KNTC1: variants seen among roughly 807,000 people sequenced by gnomAD.
KNTC1 encodes the protein kinetochore associated 1.
A neutral mutation model predicts 314.4 loss-of-function variants in KNTC1; 253 were observed. That is an observed-to-expected ratio of 0.80 (90% CI 0.73 to 0.89). The LOEUF (loss-of-function observed/expected upper bound fraction) is 0.89, where lower values mean the gene tolerates loss of function less well. KNTC1 is among the 40% of genes least tolerant of loss of function. KNTC1 has a pLI of 0.00. For missense variants in KNTC1, 2,475 were observed against 2,572.9 expected (o/e 0.96, Z 0.82); for synonymous variants, 901 against 901.4 (o/e 1.00, Z 0.01).
In KNTC1 at chr12:122,626,216, T is replaced by G; in HGVS notation, c.6618T>G (p.Ser2206Arg). 6.3e-7 allele frequency: 1 copy of G among 1,589,644 alleles called. No homozygotes were observed. Among genetic ancestry groups the G allele is most frequent in the Non-Finnish European group, 8.6e-7 (1 of 1,162,680 alleles). Residue 2206 changes from serine to arginine, a missense_variant, in exon 64 of 64, where the codon AGT becomes AGG. By Grantham distance (110) the Ser-to-Arg change is moderately radical. Coordinates refer to ENST00000333479, the MANE Select transcript of KNTC1 (RefSeq NM_014708.6). ...APCEILKMFL[S>R]GLS ...TTCTTCCCATTTAGATGTTTCTTAG[T>G]GGATTATCGTAAATCACTGAACCTT...
intron 53 of KNTC1, chr12:122,611,527 A>T (rs577658525): frequency 6.6e-6 from 1 of 152,442 alleles, no homozygotes; most frequent in African/African-American, 2.4e-5. Flanking sequence ...TTACGACCTA[A>T]AAATGGTATT....
At chr12:122,550,861 A>C (rs1963147925) in intron 13 of KNTC1, among the ~76,000 whole-genome samples, 1 of 152,146 alleles carries the variant, frequency 6.6e-6, no homozygotes. Context: ...GTGGTTTTGT[A>C]GACTGTTTCT....
At position 122,547,870 on chromosome 12, in the gene KNTC1, T is replaced by A. The variant is rs1289692322; in HGVS notation, c.933-45T>A. On this transcript the variant is annotated intron_variant, in intron 11 of 63. Transcript: ENST00000333479. ...TAGATAATATTGTATGTTTTTGTTGTGTAAAAGTTTACTTGAATTATTTAA... is the reference window on the plus strand; with the variant it reads ...TAGATAATATTGTATGTTTTTGTTGAGTAAAAGTTTACTTGAATTATTTAA... 6 of 1,131,670 alleles carry A rather than the reference T, an allele frequency of 5.3e-6. No individual in the cohort carries two copies. In the Admixed American group the frequency reaches 1.8e-4, roughly 34 times the overall value. 70.1% of individuals were successfully genotyped at this position (1,131,670 alleles called of 1,614,324 possible).
rs1875053715 is a variant in KNTC1 at position 122,626,385 on chromosome 12, C to T, written c.*157C>T. The T allele has an allele frequency of 1.7e-6, 1 of 595,124 alleles. No individual in the cohort carries two copies. The highest frequency in any genetic ancestry group is 2.9e-5 in the East Asian group (1 of 34,674). The allele number at this position is 595,124 out of a possible 1,614,324, so 36.9% of individuals were successfully genotyped here. Reference sequence around the variant, plus strand: ...AAATAAAACAATATGAGCATAATTGCCCCATAAAGAACTCATGTCCTGAAT... The same window carrying T: ...AAATAAAACAATATGAGCATAATTGTCCCATAAAGAACTCATGTCCTGAAT... On this transcript the variant is annotated 3_prime_UTR_variant, in exon 64 of 64. Coordinates refer to ENST00000333479, the MANE Select transcript of KNTC1 (RefSeq NM_014708.6).
intron 12 of KNTC1, 96 bp from the exon 13 acceptor site, chr12:122,549,670 C>G (rs781673869): frequency 1.2e-4 from 86 of 694,746 alleles, no homozygotes; most frequent in Non-Finnish European, 2.0e-4. Flanking sequence ...CCAGCCGCTC[C>G]CATGTGTTTT....
intron 13 of KNTC1, among the ~76,000 whole-genome samples, chr12:122,550,518 G>GTTT (rs1012625279): frequency 2.6e-5 from 4 of 151,746 alleles, no homozygotes; most frequent in Non-Finnish European, 4.4e-5. Flanking sequence ...TGTTGTTGTT[G>GTTT]TCGAGACAGG....
chr12:122,591,949 G>C (rs1015617391), intron 42 of KNTC1, among the ~76,000 whole-genome samples: 1 of 152,338 alleles, frequency 6.6e-6, no homozygotes, highest in East Asian at 1.9e-4. Flanking sequence ...TCGGCCTGCC[G>C]CTGCACTGTG....
intron 53 of KNTC1, 50 bp downstream of exon 53, chr12:122,610,950 AT>A (rs1386509209): frequency 6.7e-6 from 9 of 1,337,374 alleles, no homozygotes; most frequent in South Asian, 1.2e-5. Flanking sequence ...TCAGCTTAAC[AT>A]TTTTTTCCTG....
In KNTC1 at chr12:122,604,631, A is replaced by G. The variant is rs1872376192; in HGVS notation, c.5169A>G (p.Pro1723=). Residue 1723 remains proline (P), a synonymous_variant, in exon 49 of 64, where the codon CCA becomes CCG. Transcript: ENST00000333479. The part of the protein sequence containing the change: ...YLAERWLQNI[P]SQDEKREKAE... ...CTGAGAGATGGCTACAGAATATCCC[A>G]TCGCAGGTGTGTCTGAACTATCAGA... The G allele has an allele frequency of 6.3e-7, 1 of 1,595,332 alleles. No individual in the cohort carries two copies. The highest frequency in any genetic ancestry group is 8.6e-7 in the Non-Finnish European group (1 of 1,163,410).
At chr12:122,623,864 C>G (rs1201248250) in intron 62 of KNTC1, among the ~76,000 whole-genome samples, 1 of 152,028 alleles carries the variant, frequency 6.6e-6, no homozygotes, top group African/African-American at 2.4e-5. Context: ...GTTAGGAGTT[C>G]AAGACCAGCC....
chr12:122,552,348 A>G (rs1055134686), intron 16 of KNTC1, among the ~76,000 whole-genome samples: 1 of 152,100 alleles, frequency 6.6e-6, no homozygotes, highest in African/African-American at 2.4e-5. Context: ...AATGTAGGTT[A>G]TATGGGCAGC....
chr12:122,546,422 T>C (rs1962769390), intron 9 of KNTC1, among the ~76,000 whole-genome samples, 153 bp downstream of exon 9: 1 of 152,238 alleles, frequency 6.6e-6, no homozygotes, highest in South Asian at 2.1e-4. Context: ...AGAACAGTTC[T>C]TGACATGTTA....
chr12:122,594,467 A>G (rs774231541), intron 43 of KNTC1, 82 bp downstream of exon 43: 98 of 812,926 alleles, frequency 1.2e-4, no homozygotes, highest in Middle Eastern at 5.0e-4. Context: ...AACGATGATT[A>G]TTTTATGAGG....
rs79061370 is a variant in KNTC1 at position 122,550,703 on chromosome 12, A to G, written c.1087-616A>G. On this transcript the variant is annotated intron_variant, in intron 13 of 63. Transcript: ENST00000333479. The stretch of plus-strand genomic sequence containing the variant: ...TTTTTTGTAGAGAGGTGGTCTCACT[A>G]TGTTTCCTGGGCTAGACTCAAGCTC... 4.1e-3 allele frequency among the ~76,000 whole-genome samples: 630 copies of G among 152,146 alleles called. 7 individuals carry two copies. Among genetic ancestry groups the G allele is most frequent in the African/African-American group, 0.014 (600 of 41,500 alleles).
chr12:122,539,600 T>C, intron 4 of KNTC1, 76 bp from the exon 5 acceptor site: 1 of 1,014,916 alleles, frequency 9.9e-7, no homozygotes, highest in East Asian at 2.6e-5. Context: ...TTGATAACTC[T>C]AGAGTTTAAA....
At chr12:122,613,844 T>C in intron 55 of KNTC1, 83 bp downstream of exon 55, 1 of 1,361,814 alleles carries the variant, frequency 7.3e-7, no homozygotes, top group Non-Finnish European at 9.7e-7. Flanking sequence ...AGTCTTTTTG[T>C]TGTTGTTGTT....
chr12:122,561,477 G>A (rs1315705597), intron 18 of KNTC1, among the ~76,000 whole-genome samples: 1 of 149,984 alleles, frequency 6.7e-6, no homozygotes, highest in Non-Finnish European at 1.5e-5. Context: ...TTTTTGAAAC[G>A]GAGTCTCATT....
At chr12:122,573,696 G>A (rs1964842814) in intron 26 of KNTC1, among the ~76,000 whole-genome samples, 1 of 152,168 alleles carries the variant, frequency 6.6e-6, no homozygotes, top group Admixed American at 6.5e-5. Context: ...ACAACTTGAA[G>A]CAAAGGCAGG....
intron 6 of KNTC1, among the ~76,000 whole-genome samples, chr12:122,542,796 T>C (rs1226355014): frequency 6.6e-6 from 1 of 152,162 alleles, no homozygotes; most frequent in Non-Finnish European, 1.5e-5. Flanking sequence ...AGAACAATAA[T>C]GTAAAATATG....
Sources: gnomAD v4.1 joint callset for allele counts (sites outside exome capture counted in the v4.1 genomes callset) on GRCh38, gnomAD v4.1.1 for gene constraint, MANE v1.5 for transcripts, NCBI Gene and HGNC (gene_info 2026-07-23, HGNC 2026-07-21) for gene names.